Variants in GRID1 observed in about 807,000 individuals in gnomAD.
The protein encoded by GRID1 is glutamate ionotropic receptor delta type subunit 1.
In GRID1, 28 loss-of-function variants were observed where a neutral mutation model predicts 98.0. The observed-to-expected ratio is 0.29, with a 90% CI of 0.21 to 0.39. The LOEUF (loss-of-function observed/expected upper bound fraction) is 0.39. Ranked by LOEUF, GRID1 falls within the 10% of genes least tolerant of loss-of-function variation. The probability of loss-of-function intolerance (pLI) is 1.00; values close to 1 mark genes in which losing one functional copy is unlikely to be tolerated. For missense variants in GRID1, 1,111 were observed against 1,340.5 expected (o/e 0.83, Z 2.67); for synonymous variants, 553 against 538.5 (o/e 1.03, Z -0.37).
At chr10:85,751,121 A>G (rs1842041780) in intron 8 of GRID1, among the ~76,000 whole-genome samples, 1 of 152,154 alleles carries the variant, frequency 6.6e-6, no homozygotes, top group African/African-American at 2.4e-5. Flanking sequence ...CATTCTTGCA[A>G]TCTCAGGAGA....
chr10:85,833,294 C>T (rs374456175), intron 8 of GRID1, among the ~76,000 whole-genome samples: 205 of 152,144 alleles, frequency 1.3e-3, no homozygotes, highest in African/African-American at 4.5e-3. Flanking sequence ...TCTCACAGGC[C>T]ATTCTTCAAC....
chr10:85,790,017 CT>C lies in GRID1; in HGVS notation c.1234-60404del, dbSNP rs564712291. On this transcript the variant is annotated intron_variant, in intron 8 of 15. Coordinates refer to ENST00000327946, the MANE Select transcript of GRID1 (RefSeq NM_017551.3). The stretch of plus-strand genomic sequence containing the variant: ...GCCCTCTCCCTTTTCCTGACTCTGC[CT>C]CTGGCCTCAGCTTAGATTTACTTTG... Among the ~76,000 whole-genome samples, 809 of 152,302 alleles carry C rather than the reference CT, an allele frequency of 5.3e-3. 5 individuals are homozygous for C. The highest frequency in any genetic ancestry group is 0.019 in the African/African-American group (774 of 41,568).
In GRID1 at chr10:85,884,456, A is replaced by G. The variant is rs566045612; in HGVS notation, c.781-15276T>C. Among the ~76,000 whole-genome samples, 157 of 152,258 alleles carry G rather than the reference A, an allele frequency of 1.0e-3. 1 individual carries two copies. The highest frequency in any genetic ancestry group is 3.4e-3 in the African/African-American group (143 of 41,552). On this transcript the variant is annotated intron_variant, in intron 5 of 15. Coordinates refer to ENST00000327946, the MANE Select transcript of GRID1 (RefSeq NM_017551.3). ...GTTTCTTGTCATTAATATTAGAAAG[A>G]GGGCTATTTCTGAGGGGCCCAAGAG...
intron 4 of GRID1, among the ~76,000 whole-genome samples, chr10:85,994,592 G>A (rs1248610799): frequency 6.6e-6 from 1 of 152,170 alleles, no homozygotes; most frequent in East Asian, 1.9e-4. Context: ...CATTCTGGTT[G>A]GAATATGGAT....
At chr10:86,084,695 G>A (rs189504636) in intron 4 of GRID1, among the ~76,000 whole-genome samples, 4 of 152,296 alleles carry the variant, frequency 2.6e-5, no homozygotes, top group South Asian at 2.1e-4. Context: ...ATATGACTTA[G>A]CCTTAAAAAG....
At chr10:86,097,689 T>TA (rs976942556) in intron 4 of GRID1, among the ~76,000 whole-genome samples, 2 of 152,202 alleles carry the variant, frequency 1.3e-5, no homozygotes, top group Admixed American at 6.5e-5. Flanking sequence ...ATCTTTGTTT[T>TA]AAAAAAAGAA....
intron 12 of GRID1, among the ~76,000 whole-genome samples, chr10:85,665,533 C>G (rs1841009715): frequency 6.6e-6 from 1 of 152,128 alleles, no homozygotes; most frequent in Non-Finnish European, 1.5e-5. Context: ...GAGTCTGGCC[C>G]TGCCACATCT....
At chr10:85,829,151 A>G (rs1431640970) in intron 8 of GRID1, among the ~76,000 whole-genome samples, 2 of 152,190 alleles carry the variant, frequency 1.3e-5, no homozygotes, top group African/African-American at 4.8e-5. Context: ...AGGTTAGTTC[A>G]GCATATACAA....
chr10:85,797,967 C>T (rs527664843), intron 8 of GRID1, among the ~76,000 whole-genome samples: 1 of 152,258 alleles, frequency 6.6e-6, no homozygotes, highest in South Asian at 2.1e-4. Flanking sequence ...TTTAGTGGTG[C>T]ATAGTATTCC....
intron 3 of GRID1, among the ~76,000 whole-genome samples, chr10:86,164,104 G>A (rs749347387): frequency 9.9e-5 from 15 of 152,208 alleles, no homozygotes; most frequent in Non-Finnish European, 1.8e-4. Flanking sequence ...CACCAGGCTG[G>A]GCAGAGTGGG....
intron 2 of GRID1, among the ~76,000 whole-genome samples, chr10:86,290,231 A>G (rs576964564): frequency 3.3e-5 from 5 of 152,262 alleles, no homozygotes; most frequent in Non-Finnish European, 5.9e-5. Context: ...ATCCTAAAAC[A>G]TGGAGCCTAA....
chr10:85,975,695 G>T (rs1220792168), intron 4 of GRID1, among the ~76,000 whole-genome samples: 1 of 152,070 alleles, frequency 6.6e-6, no homozygotes, highest in Non-Finnish European at 1.5e-5. Context: ...TGGTCAAGGG[G>T]TCTCCAAGTT....
chr10:85,742,615 A>C (rs111946289), intron 8 of GRID1, among the ~76,000 whole-genome samples: 113 of 152,252 alleles, frequency 7.4e-4, no homozygotes, highest in African/African-American at 2.7e-3. Context: ...TTAACGCATT[A>C]TGCTTACCCA....
chr10:86,099,458 G>C (rs1844264271), intron 4 of GRID1, among the ~76,000 whole-genome samples: 2 of 152,188 alleles, frequency 1.3e-5, no homozygotes, highest in South Asian at 2.1e-4. Context: ...CCTCACAGAT[G>C]TGTGTACAAG....
chr10:86,180,790 C>T (rs116979972), intron 3 of GRID1, among the ~76,000 whole-genome samples: 439 of 152,228 alleles, frequency 2.9e-3, no homozygotes, highest in Non-Finnish European at 5.3e-3. Flanking sequence ...GGGCTGTGAA[C>T]ATCCTCAGAG....
intron 2 of GRID1, among the ~76,000 whole-genome samples, chr10:86,236,006 C>T (rs1846531885): frequency 6.6e-6 from 1 of 152,180 alleles, no homozygotes; most frequent in African/African-American, 2.4e-5. Flanking sequence ...ATTTTGCATT[C>T]CCGCTGGCAG....
chr10:85,616,008 G>T (rs1465629557), intron 14 of GRID1, among the ~76,000 whole-genome samples: 1 of 152,160 alleles, frequency 6.6e-6, no homozygotes, highest in Non-Finnish European at 1.5e-5. Flanking sequence ...TATAATAAAT[G>T]TACCTACCTC....
intron 8 of GRID1, among the ~76,000 whole-genome samples, chr10:85,803,158 T>C (rs117251570): frequency 0.033 from 5,021 of 152,110 alleles, 123 homozygotes; most frequent in Non-Finnish European, 0.047. Context: ...GTAAGAGCTA[T>C]TATTTGATAG....
At chr10:85,962,019 A>G (rs564610574) in intron 4 of GRID1, among the ~76,000 whole-genome samples, 8 of 152,344 alleles carry the variant, frequency 5.3e-5, no homozygotes, top group East Asian at 1.9e-4. Flanking sequence ...GAAGGAAGGA[A>G]GGAAAGAAGG....
Sources: gnomAD v4.1 joint callset for allele counts (sites outside exome capture counted in the v4.1 genomes callset) on GRCh38, gnomAD v4.1.1 for gene constraint, MANE v1.5 for transcripts, NCBI Gene and HGNC (gene_info 2026-07-23, HGNC 2026-07-21) for gene names.